Variants in MAML2 observed in about 807,000 individuals in gnomAD.
MAML2 encodes the protein mastermind like transcriptional coactivator 2.
Under a neutral mutation model 96.1 loss-of-function variants are expected in MAML2, and 22 were observed. The observed-to-expected ratio is 0.23, with a 90% confidence interval of 0.16 to 0.33. The LOEUF (loss-of-function observed/expected upper bound fraction) is 0.33. Among genes scored for constraint, MAML2 ranks in the 10% least tolerant of loss-of-function variants. MAML2 has a pLI of 1.00. For synonymous variants in MAML2, 561 were observed against 521.3 expected, an observed-to-expected ratio of 1.08 and a Z score of -1.04; for missense variants, 1,367 against 1,392.4, an observed-to-expected ratio of 0.98 and a Z score of 0.29.
intron 1 of MAML2, among the ~76,000 whole-genome samples, chr11:96,188,768 G>T (rs1402338149): frequency 1.3e-5 from 2 of 151,932 alleles, no homozygotes; most frequent in Non-Finnish European, 2.9e-5. Context: ...GAAAGTTGGT[G>T]GTGAACACAG....
At chr11:96,308,193 G>A (rs1406050003) in intron 1 of MAML2, among the ~76,000 whole-genome samples, 1 of 152,060 alleles carries the variant, frequency 6.6e-6, no homozygotes, top group African/African-American at 2.4e-5. Flanking sequence ...TGGGGCATTA[G>A]TCCATGTAAT....
chr11:96,197,843 A>T (rs1039572875), intron 1 of MAML2, among the ~76,000 whole-genome samples: 1 of 152,240 alleles, frequency 6.6e-6, no homozygotes, highest in Non-Finnish European at 1.5e-5. Flanking sequence ...TCAGAGGGGA[A>T]GTAATGATTC....
In MAML2 at chr11:96,342,707, G is replaced by A. The variant is rs1477289904; in HGVS notation, c.-812C>T. The A allele has an allele frequency of 2.4e-5, 8 of 338,892 alleles. No individual in the cohort carries two copies. Among genetic ancestry groups the A allele is most frequent in the African/African-American group, 6.3e-5 (3 of 47,710 alleles). 21.0% of individuals were successfully genotyped at this position (338,892 alleles called of 1,614,324 possible). ...TTTTTCTTCAGCTAATCCAATCACCGGTAAAATCCTCACTCCCTCTAAGGT... is the reference window on the plus strand; with the variant it reads ...TTTTTCTTCAGCTAATCCAATCACCAGTAAAATCCTCACTCCCTCTAAGGT... On this transcript the variant is annotated 5_prime_UTR_variant, in exon 1 of 5. Transcript: ENST00000524717.
chr11:96,040,702 G>T (rs1388539716), intron 2 of MAML2, among the ~76,000 whole-genome samples: 2 of 152,134 alleles, frequency 1.3e-5, no homozygotes, highest in African/African-American at 2.4e-5. Flanking sequence ...AGGAGGCGGG[G>T]GTTGCAGTGA....
intron 1 of MAML2, among the ~76,000 whole-genome samples, chr11:96,180,027 T>C (rs1383582422): frequency 6.6e-6 from 1 of 152,222 alleles, no homozygotes; most frequent in African/African-American, 2.4e-5. Context: ...TCAAGGTCCA[T>C]TCGAAACTAA....
intron 4 of MAML2, among the ~76,000 whole-genome samples, chr11:95,981,187 G>A (rs547799772): frequency 8.2e-4 from 125 of 152,212 alleles, no homozygotes; most frequent in African/African-American, 2.9e-4. Context: ...ATGTGTCCAC[G>A]AACCTAATCT....
intron 2 of MAML2, 90 bp downstream of exon 2, chr11:96,091,802 G>A (rs2135809693): frequency 6.7e-7 from 1 of 1,492,014 alleles, no homozygotes; most frequent in Middle Eastern, 1.9e-4. Flanking sequence ...TCTTGATCTT[G>A]TCCCAATACA....
At chr11:96,273,183 C>G (rs1565269192) in intron 1 of MAML2, among the ~76,000 whole-genome samples, 1 of 152,222 alleles carries the variant, frequency 6.6e-6, no homozygotes, top group Non-Finnish European at 1.5e-5. Flanking sequence ...TAAGGTACTG[C>G]TTCTGACAGC....
intron 1 of MAML2, among the ~76,000 whole-genome samples, chr11:96,162,163 T>C (rs1753604464): frequency 6.7e-6 from 1 of 148,326 alleles, no homozygotes; most frequent in South Asian, 2.1e-4. Flanking sequence ...TTAATTTTAC[T>C]TTATCAATCT....
At chr11:96,210,868 T>C (rs7122195) in intron 1 of MAML2, among the ~76,000 whole-genome samples, 3,814 of 152,312 alleles carry the variant, frequency 0.025, 162 homozygotes, top group African/African-American at 0.086. Context: ...TTTTACTCTA[T>C]AGCATATGTG....
intron 2 of MAML2, among the ~76,000 whole-genome samples, chr11:96,026,873 CAAATAAATAAAT>C (rs72031056): frequency 6.8e-5 from 10 of 147,674 alleles, no homozygotes; most frequent in Middle Eastern, 3.5e-3. Context: ...AGCATCCTGG[CAAATAAATAAAT>C]AAATAAATAA....
intron 1 of MAML2, among the ~76,000 whole-genome samples, chr11:96,295,453 G>A (rs921919160): frequency 3.3e-5 from 5 of 152,118 alleles, no homozygotes; most frequent in South Asian, 2.1e-4. Flanking sequence ...GTTGACGCAC[G>A]CTAAGGTACT....
intron 2 of MAML2, among the ~76,000 whole-genome samples, chr11:96,017,313 T>C (rs2135733459): frequency 6.6e-6 from 1 of 152,288 alleles, no homozygotes; most frequent in Middle Eastern, 3.4e-3. Flanking sequence ...TGCAGGTAAC[T>C]GAAGTCTTAA....
At chr11:96,100,843 T>G (rs1011178653) in intron 1 of MAML2, among the ~76,000 whole-genome samples, 3 of 151,758 alleles carry the variant, frequency 2.0e-5, no homozygotes, top group Non-Finnish European at 4.4e-5. Context: ...CCTCCCAGGC[T>G]TAAGTGATCC....
intron 1 of MAML2, among the ~76,000 whole-genome samples, chr11:96,179,992 A>C (rs1027257204): frequency 1.3e-5 from 2 of 152,218 alleles, no homozygotes; most frequent in African/African-American, 4.8e-5. Context: ...AGGTACTATA[A>C]CCATAGTGGT....
intron 2 of MAML2, among the ~76,000 whole-genome samples, chr11:96,084,355 C>T (rs574029352): frequency 1.3e-5 from 2 of 152,244 alleles, no homozygotes; most frequent in Non-Finnish European, 2.9e-5. Context: ...ACTCTGGTTT[C>T]ATGTTGGCAA....
intron 1 of MAML2, among the ~76,000 whole-genome samples, chr11:96,265,277 A>C (rs756972081): frequency 6.6e-6 from 1 of 152,174 alleles, no homozygotes. Context: ...GAGGCAGAAA[A>C]TGTGATGGAA....
intron 2 of MAML2, among the ~76,000 whole-genome samples, chr11:96,077,742 G>C (rs4601730): frequency 0.8 from 121,080 of 152,168 alleles, 48,791 homozygotes; most frequent in Non-Finnish European, 0.85. Context: ...CACAGTACAG[G>C]ATGGGGAAGA....
chr11:96,054,443 C>T (rs1317300680), intron 2 of MAML2, among the ~76,000 whole-genome samples: 1 of 152,118 alleles, frequency 6.6e-6, no homozygotes, highest in Non-Finnish European at 1.5e-5. Flanking sequence ...TTATACAGAA[C>T]ATGACTGTAA....
Sources: allele counts gnomAD v4.1 joint callset (sites outside exome capture counted in the v4.1 genomes callset), GRCh38; gene constraint gnomAD v4.1.1; transcripts MANE v1.5; gene names NCBI Gene and HGNC (gene_info 2026-07-23, HGNC 2026-07-21).